Variants in ERCC3 observed in about 807,000 individuals in gnomAD.
ERCC3 encodes the protein general transcription and DNA repair factor IIH helicase/translocase subunit XPB.
A neutral mutation model predicts 94.2 loss-of-function variants in ERCC3; 66 were observed. The ratio of observed to expected loss-of-function variants is 0.70; its 90% confidence interval spans 0.57 to 0.86. ERCC3 has a LOEUF of 0.86. Ranked by LOEUF, ERCC3 falls within the 40% of genes least tolerant of loss-of-function variation. The probability of loss-of-function intolerance (pLI) is 0.00; values close to 1 mark genes in which losing one functional copy is unlikely to be tolerated. For synonymous variants in ERCC3, 349 were observed against 369.1 expected (o/e 0.95, Z 0.63); for missense variants, 829 against 987.1 (o/e 0.84, Z 2.15).
intron 12 of ERCC3, among the ~76,000 whole-genome samples, chr2:127,267,969 T>C (rs1684429638): frequency 6.6e-6 from 1 of 152,178 alleles, no homozygotes; most frequent in Admixed American, 6.5e-5. Flanking sequence ...TTTTTTTGTT[T>C]TGAGACAGAG....
Position 127,289,579 on chromosome 2 carries a change from G to C in ERCC3, c.658-78C>G, listed in dbSNP as rs1573961216. On this transcript the variant is annotated intron_variant, in intron 5 of 14. Coordinates refer to ENST00000285398, the MANE Select transcript of ERCC3 (RefSeq NM_000122.2). ...TCAAGCAATGGGTGAAGTTGTAAAG[G>C]GTAGAACCAGCAGGGCTGCTAGGTT... 12 of 1,601,606 alleles carry C rather than the reference G, an allele frequency of 7.5e-6. No individual in the cohort carries two copies. The East Asian group carries it at 2.7e-4, about 36-fold the overall frequency.
At position 127,257,525 on chromosome 2, in the gene ERCC3, T is replaced by A; in HGVS notation, c.*71A>T. On this transcript the variant is annotated 3_prime_UTR_variant, in exon 15 of 15. Transcript: ENST00000285398. This position sits in a 1 kb window ranked among gnomAD's most constrained non-coding sequence, Gnocchi z 5.4. ...GAAGGTCAAAGAGGTGGAAGGAAAA[T>A]GTTATGCTGAAAATCCCTTTCCAAC... The A allele has an allele frequency of 1.9e-6, 3 of 1,596,398 alleles. No homozygotes were observed. The highest frequency in any genetic ancestry group is 1.7e-6 in the Non-Finnish European group (2 of 1,165,960).
At chr2:127,272,763 G>C (rs1344538170) in intron 11 of ERCC3, 102 bp downstream of exon 11, 1 of 794,042 alleles carries the variant, frequency 1.3e-6, no homozygotes, top group African/African-American at 1.7e-5. Context: ...TGCAGGAGAA[G>C]TTCCTTCAGC....
chr2:127,269,513 C>T (rs2104745075), intron 12 of ERCC3, among the ~76,000 whole-genome samples: 1 of 150,768 alleles, frequency 6.6e-6, no homozygotes, highest in Admixed American at 6.6e-5. Flanking sequence ...GCTCTGCCTC[C>T]CGGGTTCACG....
chr2:127,273,737 G>A (rs1450202208), intron 10 of ERCC3, among the ~76,000 whole-genome samples: 9 of 75,866 alleles, frequency 1.2e-4, no homozygotes, highest in African/African-American at 4.2e-4. Context: ...AAACAAGAGT[G>A]AAACTCTGTC....
At position 127,258,550 on chromosome 2, in the gene ERCC3, G is replaced by C. The variant is rs916061301; in HGVS notation, c.2217+746C>G. The stretch of plus-strand genomic sequence containing the variant: ...GTGCCCCCTGGGTCGGGGGAGGAAA[G>C]CCTTAGGCTGGAGGGAGGGCAGCCC... On this transcript the variant is annotated intron_variant, in intron 14 of 14. Transcript: ENST00000285398. The surrounding 1 kb of genome is among the most constrained non-coding windows in gnomAD (Gnocchi z 4.1). Among the ~76,000 whole-genome samples, 1 of 152,136 alleles carries C rather than the reference G, an allele frequency of 6.6e-6. No homozygotes were observed. The highest frequency in any genetic ancestry group is 2.4e-5 in the African/African-American group (1 of 41,436).
Position 127,259,404 on chromosome 2 carries a change from A to C in ERCC3, c.2109T>G (p.Phe703Leu), listed in dbSNP as rs1023249904. 1 of 1,614,158 alleles carries C rather than the reference A, an allele frequency of 6.2e-7. No homozygotes were observed. The highest frequency in any genetic ancestry group is 8.5e-7 in the Non-Finnish European group (1 of 1,180,032). The change falls in exon 14 of 15, where the codon TTT becomes TTG. Residue 703 changes from phenylalanine to leucine, a missense_variant. Coordinates refer to ENST00000285398, the MANE Select transcript of ERCC3 (RefSeq NM_000122.2). This position sits in a 1 kb window ranked among gnomAD's most constrained non-coding sequence, Gnocchi z 4.9. ...GCTGCTGTTGCTCTTCTTTTGTCGA[A>C]AACGCCAAGTCTTCCTCCTCCATGC... is the stretch of plus-strand genomic sequence containing the variant. The part of the protein sequence containing the change: ...LAGMEEEDLA[F>L]STKEEQQQLL...
chr2:127,290,179 G>C (rs1175206482), intron 4 of ERCC3, 45 bp downstream of exon 4: 1 of 1,504,308 alleles, frequency 6.6e-7, no homozygotes, highest in African/African-American at 1.4e-5. Context: ...CTGGTGCGCA[G>C]AAAGTGACAG....
rs1323102615 is a variant in ERCC3 at position 127,274,331 on chromosome 2, G to T, written c.1731-1370C>A. Among the ~76,000 whole-genome samples the T allele has an allele frequency of 6.7e-6, 1 of 149,388 alleles. No individual in the cohort carries two copies. The highest frequency in any genetic ancestry group is 1.5e-5 in the Non-Finnish European group (1 of 67,164). On this transcript the variant is annotated intron_variant, in intron 10 of 14. Transcript: ENST00000285398. This position sits in a 1 kb window ranked among gnomAD's most constrained non-coding sequence, Gnocchi z 4.0. ...CTCCGTCTCAGAAAAAAAAAAAAAA[G>T]AAAAAGAAAAGAAAAAAATCCAGCC...
chr2:127,260,337 C>A (rs1290932949), intron 13 of ERCC3: 2 of 152,328 alleles, frequency 1.3e-5, no homozygotes, highest in South Asian at 4.1e-4. Flanking sequence ...GCTCCTCTTA[C>A]CCTCACAGCT....
At chr2:127,263,175 T>C (rs1684248097) in intron 12 of ERCC3, among the ~76,000 whole-genome samples, 1 of 151,482 alleles carries the variant, frequency 6.6e-6, no homozygotes. Flanking sequence ...TTTTATAAGT[T>C]TTTTTTCTAA....
At chr2:127,260,838 A>G in intron 13 of ERCC3, 1 of 215,654 alleles carries the variant, frequency 4.6e-6, no homozygotes, top group Non-Finnish European at 9.4e-6. Flanking sequence ...GAATTTCCCA[A>G]TTATTAAAAT....
Position 127,257,862 on chromosome 2 carries a change from GCTTA to G in ERCC3, c.2218-139_2218-136del, listed in dbSNP as rs1558945190. 3 of 1,019,302 alleles carry G rather than the reference GCTTA, an allele frequency of 2.9e-6. No homozygotes were observed. The highest frequency in any genetic ancestry group is 2.6e-5 in the East Asian group (1 of 38,232). 63.1% of individuals were successfully genotyped at this position (1,019,302 alleles called of 1,614,324 possible). On this transcript the variant is annotated intron_variant, in intron 14 of 14. Coordinates refer to ENST00000285398, the MANE Select transcript of ERCC3 (RefSeq NM_000122.2). This position sits in a 1 kb window ranked among gnomAD's most constrained non-coding sequence, Gnocchi z 5.4. ...TCATTTTTAATAATGTTTACAGATCGCTTACTGTCTCAGGCATTGTTCTAAGCAT... is the reference window on the plus strand; with the variant it reads ...TCATTTTTAATAATGTTTACAGATCGCTGTCTCAGGCATTGTTCTAAGCAT...
chr2:127,289,559 C>T lies in ERCC3; in HGVS notation c.658-58G>A, dbSNP rs1266056829. 5 of 1,606,588 alleles carry T rather than the reference C, an allele frequency of 3.1e-6. No homozygotes were observed. The Admixed American group carries it at 5.0e-5, about 16-fold the overall frequency. ...AACATTTAATTCTGCTGTTATCAAG[C>T]AATGGGTGAAGTTGTAAAGGGTAGA... On this transcript the variant is annotated intron_variant, in intron 5 of 14. Transcript: ENST00000285398.
rs761456808 is a variant in ERCC3, at chr2:127,289,367, CTCTTCT to C, written c.786_791del (p.Glu263_Glu264del). 9 of 1,613,292 alleles carry C rather than the reference CTCTTCT, an allele frequency of 5.6e-6. No individual in the cohort carries two copies. The highest frequency in any genetic ancestry group is 3.3e-5 in the Admixed American group (2 of 59,984). On this transcript the variant is annotated inframe_deletion, in exon 6 of 15. Transcript: ENST00000285398. ...TGACTTCAAAAGACACTGTCTGTGTCTCTTCTTCTTCTTCTTCATCCTTGTCCATTT... is the reference window on the plus strand; with the variant it reads ...TGACTTCAAAAGACACTGTCTGTGTCTCTTCTTCTTCATCCTTGTCCATTT...
intron 12 of ERCC3, chr2:127,261,589 G>T: frequency 2.0e-6 from 1 of 495,244 alleles, no homozygotes; most frequent in Non-Finnish European, 3.7e-6. Context: ...ATCTGATAAG[G>T]GATTTGTATC....
Position 127,286,795 on chromosome 2 carries a change from G to A in ERCC3, c.1250C>T (p.Thr417Ile), listed in dbSNP as rs749619361. The change falls in exon 8 of 15, where the codon ACC (threonine) becomes ATC (isoleucine). Residue 417 changes from threonine to isoleucine, a missense_variant. Transcript: ENST00000285398. ...ISTYSMLGHT[T>I]KRSWEAERVM... The stretch of plus-strand genomic sequence containing the variant: ...TCGCTCGGCCTCCCAGGACCTTTTG[G>A]TGGTGTGGCCCAGCATGGAGTAGGT... The A allele has an allele frequency of 6.8e-6, 11 of 1,614,040 alleles. No individual in the cohort carries two copies. The highest frequency in any genetic ancestry group is 1.6e-4 in the Middle Eastern group (1 of 6,084).
chr2:127,267,247 A>G (rs1684404265), intron 12 of ERCC3, among the ~76,000 whole-genome samples: 1 of 152,168 alleles, frequency 6.6e-6, no homozygotes, highest in Non-Finnish European at 1.5e-5. Flanking sequence ...TCCTAGCTCT[A>G]AAAGTACTTG....
Position 127,264,847 on chromosome 2 carries a change from A to ATTTTTT in ERCC3, c.1946-3507_1946-3502dup, listed in dbSNP as rs566656100. 4.3e-5 allele frequency among the ~76,000 whole-genome samples: 6 copies of ATTTTTT among 138,644 alleles called. No homozygotes were observed. Among genetic ancestry groups the ATTTTTT allele is most frequent in the Non-Finnish European group, 9.4e-5 (6 of 63,516 alleles). The allele number at this position is 138,644 out of a possible 152,430, so 91.0% of individuals were successfully genotyped here. ...GGTCCAGGACTTTTTTAGTTGGTAG[A>ATTTTTT]TTTTTTTTTTTTTTTTTGGAGGCGG... On this transcript the variant is annotated intron_variant, in intron 12 of 14. Transcript: ENST00000285398. This position sits in a 1 kb window ranked among gnomAD's most constrained non-coding sequence, Gnocchi z 4.4.
Sources: gnomAD v4.1 joint callset for allele counts (sites outside exome capture counted in the v4.1 genomes callset) on GRCh38, gnomAD v4.1.1 for gene constraint, Gnocchi (gnomAD v3.1) non-coding constraint, MANE v1.5 for transcripts, NCBI Gene and HGNC (gene_info 2026-07-23, HGNC 2026-07-21) for gene names.